Variants in ANK2 observed in about 807,000 individuals in gnomAD.
The protein encoded by ANK2 is ankyrin 2.
In ANK2, 83 loss-of-function variants were observed where a neutral mutation model predicts 360.5. The observed-to-expected ratio is 0.23, with a 90% CI of 0.19 to 0.28. The LOEUF (loss-of-function observed/expected upper bound fraction) is 0.28, where lower values mean the gene tolerates loss of function less well. Among genes scored for constraint, ANK2 ranks in the 10% least tolerant of loss-of-function variants. The pLI, the probability that ANK2 is intolerant of heterozygous loss-of-function variation, is 1.00. For missense variants in ANK2, 4,201 were observed against 4,795.7 expected (o/e 0.88, Z 3.66); for synonymous variants, 1,740 against 1,759.5 (o/e 0.99, Z 0.28).
chr4:113,166,776 A>AATTTAACAAC (rs1197095960), intron 1 of ANK2, among the ~76,000 whole-genome samples: 2 of 152,234 alleles, frequency 1.3e-5, no homozygotes, highest in Non-Finnish European at 2.9e-5. Flanking sequence ...TATCCCGGAA[A>AATTTAACAAC]ATTTAACAAC....
the ANK2 span, among the ~76,000 whole-genome samples, chr4:112,772,894 G>A: frequency 6.6e-6 from 1 of 152,174 alleles, no homozygotes; most frequent in Non-Finnish European, 1.5e-5. Context: ...ACTGGGGAGC[G>A]TGTGTTCTGA....
At chr4:112,995,409 A>G (rs890101366) in intron 2 of ANK2, among the ~76,000 whole-genome samples, 3 of 152,092 alleles carry the variant, frequency 2.0e-5, no homozygotes, top group Non-Finnish European at 4.4e-5. Flanking sequence ...TCCTTTTGAG[A>G]AGTGTATTCA....
chr4:112,715,242 C>T, the ANK2 span, among the ~76,000 whole-genome samples: 3 of 151,944 alleles, frequency 2.0e-5, no homozygotes, highest in Admixed American at 1.3e-4. Flanking sequence ...CAAGAAATTG[C>T]GGCAGAAGTA....
intron 1 of ANK2, among the ~76,000 whole-genome samples, chr4:112,888,412 AAATAT>A (rs1287623325): frequency 6.6e-6 from 1 of 152,206 alleles, no homozygotes; most frequent in Non-Finnish European, 1.5e-5. Flanking sequence ...TTAAAAACAA[AAATAT>A]ATGAGGAAGA....
At chr4:113,094,602 T>G (rs1170409476) in intron 1 of ANK2, among the ~76,000 whole-genome samples, 1 of 152,130 alleles carries the variant, frequency 6.6e-6, no homozygotes, top group Admixed American at 6.5e-5. Context: ...GTTATCTTCT[T>G]GTTAGCAGCT....
chr4:113,338,654 A>G (rs1588550507), intron 31 of ANK2, among the ~76,000 whole-genome samples: 1 of 142,150 alleles, frequency 7.0e-6, no homozygotes, highest in Admixed American at 7.7e-5. Context: ...GGTTCACGCC[A>G]TTCTCCTGCC....
Position 113,356,732 on chromosome 4 carries a change from CAGA to C in ANK2, c.8120_8122del (p.Glu2707del), listed in dbSNP as rs775257687. ...TCAAGCATGGACTCCAATTCCAGTC[CAGA>C]AGAAGTACAATTCCAGCCTGTCGTT... On this transcript the variant is annotated inframe_deletion, in exon 38 of 46. Coordinates refer to ENST00000357077, the MANE Select transcript of ANK2 (RefSeq NM_001148.6). 12 of 1,614,082 alleles carry C rather than the reference CAGA, an allele frequency of 7.4e-6. No homozygotes were observed. The highest frequency in any genetic ancestry group is 1.0e-5 in the Non-Finnish European group (12 of 1,179,968).
At chr4:112,789,280 A>G in the ANK2 span, among the ~76,000 whole-genome samples, 1 of 152,206 alleles carries the variant, frequency 6.6e-6, no homozygotes, top group Non-Finnish European at 1.5e-5. Context: ...AAAATCCTTA[A>G]GTGTTAGAAG....
At chr4:112,955,670 T>C (rs2095296364) in intron 2 of ANK2, among the ~76,000 whole-genome samples, 1 of 152,162 alleles carries the variant, frequency 6.6e-6, no homozygotes, top group Non-Finnish European at 1.5e-5. Flanking sequence ...ATGTTACTTA[T>C]TGAAAACAAA....
intron 23 of ANK2, among the ~76,000 whole-genome samples, chr4:113,303,989 A>G (rs2076136437): frequency 6.6e-6 from 1 of 152,230 alleles, no homozygotes; most frequent in Non-Finnish European, 1.5e-5. Context: ...TATTGGTAGT[A>G]TGTATTGAGT....
chr4:113,008,064 A>G (rs2053502424), intron 2 of ANK2, among the ~76,000 whole-genome samples: 2 of 148,968 alleles, frequency 1.3e-5, no homozygotes, highest in South Asian at 4.2e-4. Context: ...CAGTAGTTTT[A>G]CCTGGAAAAA....
intron 4 of ANK2, among the ~76,000 whole-genome samples, chr4:113,199,781 A>ATT (rs1374980826): frequency 1.3e-5 from 2 of 152,016 alleles, no homozygotes; most frequent in Admixed American, 1.3e-4. Context: ...CATTCTCTCT[A>ATT]TTTTTAGGGT....
At chr4:112,879,379 T>C (rs2076103470) in intron 1 of ANK2, among the ~76,000 whole-genome samples, 1 of 152,112 alleles carries the variant, frequency 6.6e-6, no homozygotes, top group Admixed American at 6.5e-5. Flanking sequence ...TATGGAGAAG[T>C]CTATGTGTTG....
At chr4:113,142,683 G>A (rs2096675620) in intron 1 of ANK2, among the ~76,000 whole-genome samples, 1 of 152,010 alleles carries the variant, frequency 6.6e-6, no homozygotes, top group African/African-American at 2.4e-5. Flanking sequence ...CAAGCAGAAA[G>A]TTTCTTTATT....
chr4:113,277,430 G>A (rs752481830), intron 15 of ANK2, among the ~76,000 whole-genome samples: 6 of 152,194 alleles, frequency 3.9e-5, no homozygotes, highest in Non-Finnish European at 8.8e-5. Context: ...GAATTCAGGT[G>A]TTATAAAAAG....
chr4:113,303,935 T>C (rs1001401146), intron 23 of ANK2, among the ~76,000 whole-genome samples: 1 of 152,228 alleles, frequency 6.6e-6, no homozygotes. Context: ...AGATAAAACT[T>C]TACATTGAGA....
chr4:112,940,398 A>G (rs1416740366), intron 2 of ANK2, among the ~76,000 whole-genome samples: 1 of 152,162 alleles, frequency 6.6e-6, no homozygotes, highest in African/African-American at 2.4e-5. Context: ...TTGTGGGACA[A>G]ATTCTACCTA....
At chr4:113,233,104 CTGTTTTTT>C (rs2099330975) in intron 5 of ANK2, among the ~76,000 whole-genome samples, 1 of 29,296 alleles carries the variant, frequency 3.4e-5, no homozygotes, top group African/African-American at 1.4e-4. Flanking sequence ...CTTGGCTTTT[CTGTTTTTT>C]TTTTTTTTTT....
chr4:112,867,433 TCAC>T (rs1008618004), intron 1 of ANK2, among the ~76,000 whole-genome samples: 37 of 152,058 alleles, frequency 2.4e-4, no homozygotes, highest in African/African-American at 8.2e-4. Flanking sequence ...ATAATAAAAT[TCAC>T]CACTTTAAAG....
Sources: gnomAD v4.1 joint callset for allele counts (sites outside exome capture counted in the v4.1 genomes callset) on GRCh38, gnomAD v4.1.1 for gene constraint, MANE v1.5 for transcripts, NCBI Gene and HGNC (gene_info 2026-07-23, HGNC 2026-07-21) for gene names.